Variants in PRDM2 observed in about 807,000 individuals in gnomAD.
PRDM2 encodes PR domain zinc finger protein 2.
Under a neutral mutation model 130.0 loss-of-function variants are expected in PRDM2, and 30 were observed. The ratio of observed to expected loss-of-function variants is 0.23; its 90% CI spans 0.17 to 0.31. The LOEUF (loss-of-function observed/expected upper bound fraction) is 0.31. PRDM2 is among the 10% of genes least tolerant of loss of function. PRDM2 has a pLI of 1.00. For missense variants in PRDM2, 2,011 were observed against 2,108.4 expected (o/e 0.95, Z 0.90); for synonymous variants, 871 against 782.4 (o/e 1.11, Z -1.89).
At chr1:13,775,249 A>G (rs1308323026) in intron 7 of PRDM2, among the ~76,000 whole-genome samples, 1 of 152,222 alleles carries the variant, frequency 6.6e-6, no homozygotes, top group Non-Finnish European at 1.5e-5. Context: ...GGACAGTTTT[A>G]TATCTGGGAT....
chr1:13,768,084 T>G (rs1569942671), intron 6 of PRDM2, among the ~76,000 whole-genome samples: 1 of 148,634 alleles, frequency 6.7e-6, no homozygotes, highest in East Asian at 2.0e-4. Flanking sequence ...GTTTTTTTTT[T>G]TTTTTTTTTT....
chr1:13,771,722 T>TC lies in PRDM2; in HGVS notation c.512-1354dup, dbSNP rs1644364490. The TC allele has an allele frequency of 6.6e-6, 1 of 152,068 alleles. No individual in the cohort carries two copies. Among genetic ancestry groups the TC allele is most frequent in the Non-Finnish European group, 1.5e-5 (1 of 68,022 alleles). 9.4% of individuals were successfully genotyped at this position (152,068 alleles called of 1,614,324 possible). The stretch of plus-strand genomic sequence containing the variant: ...TCCAGCCTGGGCGACAGAGTGAGAC[T>TC]CCATCTCAAAAACAAAGAAAAAAAA... On this transcript the variant is annotated intron_variant, in intron 6 of 9. Transcript: ENST00000311066. This position sits in a 1 kb window ranked among gnomAD's most constrained non-coding sequence, Gnocchi z 4.1.
chr1:13,704,697 A>G (rs1569648211), intron 1 of PRDM2, among the ~76,000 whole-genome samples: 1 of 152,346 alleles, frequency 6.6e-6, no homozygotes, highest in Non-Finnish European at 1.5e-5. Flanking sequence ...ATTAAGACCT[A>G]TGTTAAACTC....
At chr1:13,797,254 G>A (rs1644936806) in intron 8 of PRDM2, among the ~76,000 whole-genome samples, 1 of 152,128 alleles carries the variant, frequency 6.6e-6, no homozygotes. Flanking sequence ...AATGGCCAAT[G>A]TTTATGTTTA....
intron 5 of PRDM2, 78 bp downstream of exon 5, chr1:13,742,235 CTG>C: frequency 6.8e-7 from 1 of 1,477,020 alleles, no homozygotes; most frequent in South Asian, 1.2e-5. Flanking sequence ...CGGTCTCATT[CTG>C]TCTCTCAGGC....
rs1382681872 is a variant in PRDM2 at position 13,806,197 on chromosome 1, C to T, written c.5037-10230C>T. ...ATACTCTCCACCTGGACACCGCCCT[C>T]TCCCAGTCTCTGCACATTACCAGCT... On this transcript the variant is annotated intron_variant, in intron 8 of 9. Transcript: ENST00000311066. The surrounding 1 kb of genome is among the most constrained non-coding windows in gnomAD (Gnocchi z 4.1). 6.6e-6 allele frequency among the ~76,000 whole-genome samples: 1 copy of T among 152,036 alleles called. No homozygotes were observed. The highest frequency in any genetic ancestry group is 1.5e-5 in the Non-Finnish European group (1 of 68,000).
At chr1:13,715,751 AT>A in intron 2 of PRDM2, 137 bp downstream of exon 2, 1 of 726,924 alleles carries the variant, frequency 1.4e-6, no homozygotes, top group South Asian at 2.4e-5. Flanking sequence ...TAATTAGTTC[AT>A]TGTGTTCATA....
intron 8 of PRDM2, among the ~76,000 whole-genome samples, chr1:13,809,427 A>G (rs76457660): frequency 0.015 from 2,323 of 152,184 alleles, 49 homozygotes; most frequent in South Asian, 0.089. Context: ...AGCAGGAGAG[A>G]GTGACGGAGG....
chr1:13,736,571 AAT>A (rs1231677496), intron 4 of PRDM2, among the ~76,000 whole-genome samples: 5 of 148,550 alleles, frequency 3.4e-5, no homozygotes, highest in South Asian at 2.2e-4. Flanking sequence ...ATTGTATATA[AAT>A]ATGTGTTGAC....
At chr1:13,725,541 A>T (rs939645053) in intron 2 of PRDM2, among the ~76,000 whole-genome samples, 3 of 152,192 alleles carry the variant, frequency 2.0e-5, no homozygotes, top group Non-Finnish European at 4.4e-5. Flanking sequence ...CTTTTCTAGC[A>T]GTAACATCTT....
chr1:13,783,343 C>T (rs1401477553), intron 8 of PRDM2: 3 of 362,408 alleles, frequency 8.3e-6, no homozygotes, highest in Admixed American at 3.7e-5. Flanking sequence ...TTGATTGCAT[C>T]GGTCAAAACA....
At chr1:13,822,482 G>A (rs956153062) in intron 9 of PRDM2, among the ~76,000 whole-genome samples, 5 of 149,952 alleles carry the variant, frequency 3.3e-5, no homozygotes, top group South Asian at 2.1e-4. Context: ...TGCAAGCTCC[G>A]CCTCCCAGGT....
chr1:13,767,403 C>T (rs1007822270), intron 6 of PRDM2, among the ~76,000 whole-genome samples: 11 of 151,850 alleles, frequency 7.2e-5, no homozygotes, highest in African/African-American at 2.7e-4. Context: ...GTGATCCTCC[C>T]ACCTCAGCCT....
At chr1:13,701,045 C>CG (rs1341599868) in intron 1 of PRDM2, among the ~76,000 whole-genome samples, 1 of 152,178 alleles carries the variant, frequency 6.6e-6, no homozygotes, top group South Asian at 2.1e-4. Flanking sequence ...CGTGAGCCAC[C>CG]GACCCTCCGG....
rs750365154 is a variant in PRDM2, at chr1:13,816,415, C to T, written c.5037-12C>T. Reference sequence around the variant, plus strand: ...TCCTGTGACAATGTGTGTTGTTCCTCTTCCTGCACAGCTACAGCCTCCGCT... The same window carrying T: ...TCCTGTGACAATGTGTGTTGTTCCTTTTCCTGCACAGCTACAGCCTCCGCT... On this transcript the variant is annotated splice_polypyrimidine_tract_variant and intron_variant, in intron 8 of 9. Coordinates refer to ENST00000311066, the MANE Select transcript of PRDM2 (RefSeq NM_001393986.1). The T allele has an allele frequency of 3.1e-6, 5 of 1,613,960 alleles. No individual in the cohort carries two copies. Among genetic ancestry groups the T allele is most frequent in the Non-Finnish European group, 2.5e-6 (3 of 1,179,944 alleles).
At chr1:13,786,524 G>A (rs764237632) in intron 8 of PRDM2, 2 of 1,610,300 alleles carry the variant, frequency 1.2e-6, no homozygotes, top group Non-Finnish European at 1.7e-6. Flanking sequence ...GGAACTTCCT[G>A]TAGAAAAGCC....
intron 6 of PRDM2, among the ~76,000 whole-genome samples, chr1:13,763,158 A>G (rs1361770280): frequency 6.6e-6 from 1 of 152,252 alleles, no homozygotes; most frequent in Non-Finnish European, 1.5e-5. Flanking sequence ...GCCAACTGCC[A>G]AGACATCGAC....
At chr1:13,748,068 T>C (rs1015030367) in intron 5 of PRDM2, among the ~76,000 whole-genome samples, 5 of 152,244 alleles carry the variant, frequency 3.3e-5, no homozygotes, top group African/African-American at 1.2e-4. Flanking sequence ...TTTGAGCTTC[T>C]CTTATGGTTT....
At position 13,779,592 on chromosome 1, in the gene PRDM2, T is replaced by C. The variant is rs1644559822; in HGVS notation, c.1797T>C (p.Asn599=). 1.4e-5 allele frequency: 22 copies of C among 1,614,092 alleles called. No homozygotes were observed. Among genetic ancestry groups the C allele is most frequent in the Non-Finnish European group, 1.8e-5 (21 of 1,179,974 alleles). Residue 599 remains asparagine (N), a synonymous_variant, in exon 8 of 10, where the codon AAT becomes AAC. Coordinates refer to ENST00000311066, the MANE Select transcript of PRDM2 (RefSeq NM_001393986.1). This position sits in a 1 kb window ranked among gnomAD's most constrained non-coding sequence, Gnocchi z 4.9. Reference sequence around the variant, plus strand: ...CTTCGGCAGATTTGTATGGTATAAATTGTCTGCTCACTCCAGTTACAGTGG... The same window carrying C: ...CTTCGGCAGATTTGTATGGTATAAACTGTCTGCTCACTCCAGTTACAGTGG... ...ESASADLYGI[N]CLLTPVTVEI...
Sources: gnomAD v4.1 joint callset for allele counts (sites outside exome capture counted in the v4.1 genomes callset) on GRCh38, gnomAD v4.1.1 for gene constraint, Gnocchi (gnomAD v3.1) non-coding constraint, MANE v1.5 for transcripts, NCBI Gene and HGNC (gene_info 2026-07-23, HGNC 2026-07-21) for gene names.